SLC14A2: variants seen among roughly 807,000 people sequenced by gnomAD.
SLC14A2 encodes the protein solute carrier family 14 member 2, also known as urea transporter 2.
SLC14A2 carries 91 observed loss-of-function variants against 104.6 expected under a neutral mutation model. That is an observed-to-expected ratio of 0.87 (90% confidence interval 0.73 to 1.04). SLC14A2 has a LOEUF of 1.04. Ranked by LOEUF, SLC14A2 falls within the 50% of genes least tolerant of loss-of-function variation. The pLI is 0.00. For missense variants in SLC14A2, 1,189 were observed against 1,156.0 expected (o/e 1.03, Z -0.41); for synonymous variants, 476 against 466.4 (o/e 1.02, Z -0.27).
intron 1 of SLC14A2, among the ~76,000 whole-genome samples, chr18:45,389,232 T>C (rs1375059240): frequency 1.3e-5 from 2 of 152,236 alleles, no homozygotes; most frequent in Non-Finnish European, 2.9e-5. Flanking sequence ...ATGGAACATG[T>C]GCTAATTGCA....
At chr18:45,240,970 A>T (rs985810841) in intron 1 of SLC14A2, among the ~76,000 whole-genome samples, 3 of 152,154 alleles carry the variant, frequency 2.0e-5, no homozygotes, top group Admixed American at 1.3e-4. Context: ...ATGGAGGAAG[A>T]AAGTGGTAAC....
the SLC14A2 span, among the ~76,000 whole-genome samples, chr18:45,171,940 G>C: frequency 1.3e-5 from 2 of 151,978 alleles, no homozygotes; most frequent in Non-Finnish European, 2.9e-5. Context: ...ATCACTACTG[G>C]TATCTTACAA....
chr18:45,245,272 G>C (rs1400213473), intron 1 of SLC14A2, among the ~76,000 whole-genome samples: 2 of 152,176 alleles, frequency 1.3e-5, no homozygotes, highest in African/African-American at 2.4e-5. Context: ...ACCCTGGCTT[G>C]CCTTATGTGT....
intron 2 of SLC14A2, 100 bp from the exon 3 acceptor site, chr18:45,625,583 C>T: frequency 5.3e-6 from 5 of 949,628 alleles, no homozygotes; most frequent in Non-Finnish European, 7.6e-6. Context: ...TCTCATGATC[C>T]TTTATTTTTA....
chr18:45,475,625 T>TG (rs1027632019), intron 1 of SLC14A2, among the ~76,000 whole-genome samples: 14 of 94,558 alleles, frequency 1.5e-4, no homozygotes, highest in Admixed American at 2.5e-4. Flanking sequence ...TTAGGATATA[T>TG]ATATATATAT....
intron 1 of SLC14A2, among the ~76,000 whole-genome samples, chr18:45,225,593 T>C (rs1242149021): frequency 6.6e-6 from 1 of 152,212 alleles, no homozygotes. Context: ...AGTATGGCCA[T>C]TCTCATGATA....
intron 1 of SLC14A2, among the ~76,000 whole-genome samples, chr18:45,305,551 CTT>C (rs1165077580): frequency 6.6e-6 from 1 of 152,186 alleles, no homozygotes; most frequent in Non-Finnish European, 1.5e-5. Flanking sequence ...TTCTTCTCCT[CTT>C]TGTCACCAAC....
the SLC14A2 span, among the ~76,000 whole-genome samples, chr18:45,201,919 AG>A: frequency 6.6e-6 from 1 of 152,186 alleles, no homozygotes; most frequent in Non-Finnish European, 1.5e-5. Context: ...GAGATAACAC[AG>A]AATTTCACCC....
intron 1 of SLC14A2, among the ~76,000 whole-genome samples, chr18:45,341,470 A>T (rs1444283907): frequency 1.3e-5 from 2 of 152,172 alleles, no homozygotes; most frequent in Non-Finnish European, 2.9e-5. Context: ...CTCTCCTCCT[A>T]TAAACAAATG....
chr18:45,483,956 G>T (rs1424640711), intron 2 of SLC14A2, among the ~76,000 whole-genome samples: 1 of 152,196 alleles, frequency 6.6e-6, no homozygotes, highest in East Asian at 1.9e-4. Context: ...AGATGGCAGA[G>T]GATTAGGATT....
intron 1 of SLC14A2, among the ~76,000 whole-genome samples, chr18:45,616,111 CA>C (rs2045066912): frequency 6.6e-6 from 1 of 152,132 alleles, no homozygotes; most frequent in South Asian, 2.1e-4. Context: ...GTCTTGGGCA[CA>C]AGTGGAGCAC....
At chr18:45,564,255 T>C (rs913412504) in intron 2 of SLC14A2, among the ~76,000 whole-genome samples, 1 of 152,236 alleles carries the variant, frequency 6.6e-6, no homozygotes, top group African/African-American at 2.4e-5. Context: ...TCTTGTGATT[T>C]TACATACCTA....
chr18:45,670,839 T>A (rs1476450358), intron 16 of SLC14A2, among the ~76,000 whole-genome samples: 2 of 152,110 alleles, frequency 1.3e-5, no homozygotes, highest in African/African-American at 4.8e-5. Context: ...TCTTTATATT[T>A]TTTTGTAGAG....
At chr18:45,343,366 C>A (rs532979554) in intron 1 of SLC14A2, among the ~76,000 whole-genome samples, 1 of 152,024 alleles carries the variant, frequency 6.6e-6, no homozygotes, top group African/African-American at 2.4e-5. Flanking sequence ...AATGCTAGGG[C>A]GTCGGGGTGC....
chr18:45,649,118 C>T (rs796532173), intron 10 of SLC14A2, among the ~76,000 whole-genome samples: 42 of 151,988 alleles, frequency 2.8e-4, no homozygotes, highest in African/African-American at 9.4e-4. Flanking sequence ...TTGCAGTGAG[C>T]GAGCCGAGAT....
chr18:45,485,798 A>G (rs949299278), intron 2 of SLC14A2, among the ~76,000 whole-genome samples: 1 of 152,144 alleles, frequency 6.6e-6, no homozygotes, highest in African/African-American at 2.4e-5. Flanking sequence ...TTTGCAGTGT[A>G]AAGTCTTTGG....
chr18:45,226,400 C>A (rs943391426), intron 1 of SLC14A2, among the ~76,000 whole-genome samples: 1 of 152,020 alleles, frequency 6.6e-6, no homozygotes, highest in African/African-American at 2.4e-5. Context: ...TTCACAATAG[C>A]AAAGACTTGG....
intron 1 of SLC14A2, among the ~76,000 whole-genome samples, chr18:45,315,686 G>C (rs1302836479): frequency 6.6e-6 from 1 of 152,156 alleles, no homozygotes; most frequent in East Asian, 1.9e-4. Context: ...TTGGCCGTAA[G>C]AAGAGAAGGG....
chr18:45,459,569 A>G (rs1350890966), intron 1 of SLC14A2, among the ~76,000 whole-genome samples: 3 of 152,164 alleles, frequency 2.0e-5, no homozygotes, highest in African/African-American at 7.2e-5. Flanking sequence ...AGAAGAAAGG[A>G]AGGTGAGCAG....
Sources: allele counts gnomAD v4.1 joint callset (sites outside exome capture counted in the v4.1 genomes callset), GRCh38; gene constraint gnomAD v4.1.1; transcripts MANE v1.5; gene names NCBI Gene and HGNC (gene_info 2026-07-23, HGNC 2026-07-21).